DDX60: variants seen among roughly 807,000 people sequenced by gnomAD.
The protein encoded by DDX60 is DExD/H-box helicase 60.
Under a neutral mutation model 212.8 loss-of-function variants are expected in DDX60, and 165 were observed. The ratio of observed to expected loss-of-function variants is 0.78; its 90% confidence interval spans 0.68 to 0.88. The LOEUF (loss-of-function observed/expected upper bound fraction) is 0.88. Ranked by LOEUF, DDX60 falls within the 40% of genes least tolerant of loss-of-function variation. The pLI, the probability that DDX60 is intolerant of heterozygous loss-of-function variation, is 0.00. For missense variants in DDX60, 1,905 were observed against 2,003.9 expected, an observed-to-expected ratio of 0.95 and a Z score of 0.94; for synonymous variants, 703 against 685.3, an observed-to-expected ratio of 1.03 and a Z score of -0.40.
At chr4:168,279,309 T>C (rs780951783) in intron 14 of DDX60, among the ~76,000 whole-genome samples, 3 of 152,232 alleles carry the variant, frequency 2.0e-5, no homozygotes, top group Non-Finnish European at 2.9e-5. Flanking sequence ...CACCTAGCCA[T>C]CCCAAATCTG....
chr4:168,261,616 A>G (rs1281125409), intron 24 of DDX60, among the ~76,000 whole-genome samples: 7 of 152,242 alleles, frequency 4.6e-5, no homozygotes, highest in Non-Finnish European at 1.0e-4. Context: ...TAAGAAGAAG[A>G]AAAGGACAAT....
rs186676761 is a variant in DDX60 at position 168,303,024 on chromosome 4, C to T, written c.607-608G>A. On this transcript the variant is annotated intron_variant, in intron 5 of 37. Coordinates refer to ENST00000393743, the MANE Select transcript of DDX60 (RefSeq NM_017631.6). Reference sequence around the variant, plus strand: ...TCCTTCATTAAAAAAATTATTCAGCCGGGCTCGGTGGCTCACACCTGTAAT... The same window carrying T: ...TCCTTCATTAAAAAAATTATTCAGCTGGGCTCGGTGGCTCACACCTGTAAT... Among the ~76,000 whole-genome samples, 36 of 151,886 alleles carry T rather than the reference C, an allele frequency of 2.4e-4. No homozygotes were observed. The East Asian group carries it at 6.0e-3, about 25-fold the overall frequency.
chr4:168,303,706 G>A (rs117488679), intron 5 of DDX60, among the ~76,000 whole-genome samples: 1 of 152,174 alleles, frequency 6.6e-6, no homozygotes, highest in Non-Finnish European at 1.5e-5. Context: ...AGCATAGGCT[G>A]GGCGTGGTGG....
chr4:168,241,385 C>A (rs1429911501), intron 30 of DDX60, among the ~76,000 whole-genome samples: 1 of 152,202 alleles, frequency 6.6e-6, no homozygotes, highest in East Asian at 1.9e-4. Context: ...CAGAAGCAGA[C>A]AGGAACATGT....
intron 30 of DDX60, among the ~76,000 whole-genome samples, chr4:168,244,075 A>T (rs954137041): frequency 2.0e-5 from 3 of 152,138 alleles, no homozygotes; most frequent in Non-Finnish European, 4.4e-5. Flanking sequence ...GGACCCAGGG[A>T]GGGGAACAAC....
chr4:168,325,575 A>G, the DDX60 span, among the ~76,000 whole-genome samples: 30 of 152,256 alleles, frequency 2.0e-4, no homozygotes, highest in Admixed American at 2.0e-3. Context: ...AATACATTCA[A>G]ACAAAACCAC....
chr4:168,221,555 G>A (rs868347156), intron 36 of DDX60, among the ~76,000 whole-genome samples, 175 bp downstream of exon 36: 3 of 151,720 alleles, frequency 2.0e-5, no homozygotes, highest in Non-Finnish European at 4.4e-5. Context: ...AAATAATACC[G>A]AATTGTTATT....
intron 11 of DDX60, 121 bp downstream of exon 11, chr4:168,285,272 T>C (rs1210938772): frequency 1.2e-5 from 8 of 672,192 alleles, no homozygotes; most frequent in South Asian, 7.4e-5. Flanking sequence ...AAATTCATTA[T>C]GTATTACAAA....
chr4:168,302,009 C>T (rs1418457183), intron 6 of DDX60, among the ~76,000 whole-genome samples: 1 of 152,160 alleles, frequency 6.6e-6, no homozygotes. Context: ...CTGGGGGACA[C>T]TCAAAAGTGT....
intron 6 of DDX60, among the ~76,000 whole-genome samples, chr4:168,296,704 T>C (rs966082906): frequency 6.6e-6 from 1 of 151,748 alleles, no homozygotes; most frequent in African/African-American, 2.4e-5. Context: ...TAGAGAGCTA[T>C]TACAAAAAAT....
At chr4:168,252,730 C>T in intron 26 of DDX60, 74 bp from the exon 27 acceptor site, 2 of 1,240,660 alleles carry the variant, frequency 1.6e-6, no homozygotes, top group Non-Finnish European at 2.2e-6. Flanking sequence ...ATTTGGCCAC[C>T]AGAGGATGCC....
At chr4:168,271,839 T>G (rs543260502) in intron 19 of DDX60, among the ~76,000 whole-genome samples, 1 of 152,074 alleles carries the variant, frequency 6.6e-6, no homozygotes, top group South Asian at 2.1e-4. Flanking sequence ...CTCTGCAGGG[T>G]GCATCATTTT....
chr4:168,270,309 A>G (rs894303618), intron 19 of DDX60, among the ~76,000 whole-genome samples: 25 of 152,350 alleles, frequency 1.6e-4, no homozygotes, highest in African/African-American at 5.3e-4. Context: ...CTAGCAAGCA[A>G]CTGAAAAAGA....
At chr4:168,277,864 T>C (rs1053838870) in intron 14 of DDX60, among the ~76,000 whole-genome samples, 1 of 150,810 alleles carries the variant, frequency 6.6e-6, no homozygotes, top group African/African-American at 2.4e-5. Flanking sequence ...ATAAATCATA[T>C]GTTTTTAAAT....
At chr4:168,217,644 G>T (rs1732896443) in intron 37 of DDX60, among the ~76,000 whole-genome samples, 1 of 152,088 alleles carries the variant, frequency 6.6e-6, no homozygotes, top group Non-Finnish European at 1.5e-5. Flanking sequence ...AATAATCCTG[G>T]ATTATCTGGG....
Position 168,291,743 on chromosome 4 carries a change from T to C in DDX60, c.1041+5A>G. On this transcript the variant is annotated splice_donor_5th_base_variant and intron_variant, in intron 8 of 37. Transcript: ENST00000393743. ...AAATAGTAAACTAATAAAGAGTACA[T>C]TTACCATTTGTAATAAAGGCTTCAT... The C allele has an allele frequency of 6.4e-7, 1 of 1,572,518 alleles. No homozygotes were observed. Among genetic ancestry groups the C allele is most frequent in the Non-Finnish European group, 8.6e-7 (1 of 1,165,748 alleles).
intron 1 of DDX60, among the ~76,000 whole-genome samples, chr4:168,315,943 G>A (rs1737351869): frequency 6.6e-6 from 1 of 152,190 alleles, no homozygotes; most frequent in Non-Finnish European, 1.5e-5. Flanking sequence ...TATATACCCA[G>A]TAATGGGATT....
chr4:168,261,710 T>C (rs1285996435), intron 24 of DDX60, among the ~76,000 whole-genome samples: 1 of 152,160 alleles, frequency 6.6e-6, no homozygotes, highest in African/African-American at 2.4e-5. Flanking sequence ...ACTGCCAAAG[T>C]ATCAACAATA....
intron 6 of DDX60, 75 bp from the exon 7 acceptor site, chr4:168,294,020 G>T: frequency 7.4e-7 from 1 of 1,351,428 alleles, no homozygotes; most frequent in East Asian, 2.4e-5. Context: ...CTTACTAGTG[G>T]GTACTACTAG....
Sources: gnomAD v4.1 joint callset for allele counts (sites outside exome capture counted in the v4.1 genomes callset) on GRCh38, gnomAD v4.1.1 for gene constraint, MANE v1.5 for transcripts, NCBI Gene and HGNC (gene_info 2026-07-23, HGNC 2026-07-21) for gene names.